The following TUT4 variants were observed in gnomAD, a reference collection of about 807,000 sequenced individuals.
TUT4 encodes terminal uridylyl transferase 4.
A neutral mutation model predicts 192.2 loss-of-function variants in TUT4; 36 were observed. The ratio of observed to expected loss-of-function variants is 0.19; its 90% confidence interval spans 0.14 to 0.25. The LOEUF (loss-of-function observed/expected upper bound fraction) is 0.25, where lower values mean the gene tolerates loss of function less well. Among genes scored for constraint, TUT4 ranks in the 10% least tolerant of loss-of-function variants. The pLI is 1.00. For synonymous variants in TUT4, 618 were observed against 666.0 expected, an observed-to-expected ratio of 0.93 and a Z score of 1.11; for missense variants, 1,493 against 1,957.2, an observed-to-expected ratio of 0.76 and a Z score of 4.47.
chr1:52,529,399 A>T (rs1198091656), intron 1 of TUT4, among the ~76,000 whole-genome samples: 2 of 152,214 alleles, frequency 1.3e-5, no homozygotes, highest in Non-Finnish European at 2.9e-5. Context: ...AAGTTGTCAA[A>T]ACATATGACT....
intron 3 of TUT4, among the ~76,000 whole-genome samples, chr1:52,511,386 G>T (rs988771013): frequency 6.6e-6 from 1 of 152,008 alleles, no homozygotes; most frequent in East Asian, 1.9e-4. Context: ...CAAATATATT[G>T]AGCTCATATT....
chr1:52,445,472 A>G (rs963751867), intron 24 of TUT4, among the ~76,000 whole-genome samples: 3 of 152,226 alleles, frequency 2.0e-5, no homozygotes, highest in Non-Finnish European at 4.4e-5. Context: ...CATTCACTCA[A>G]CAAATCCTTA....
chr1:52,491,531 T>C (rs1409535901), intron 7 of TUT4, among the ~76,000 whole-genome samples: 2 of 151,772 alleles, frequency 1.3e-5, no homozygotes, highest in Non-Finnish European at 2.9e-5. Context: ...CTACTAAAAA[T>C]ACAAAAATTA....
intron 13 of TUT4, among the ~76,000 whole-genome samples, chr1:52,474,371 A>C (rs1666567663): frequency 1.3e-5 from 2 of 152,188 alleles, no homozygotes; most frequent in South Asian, 4.1e-4. Context: ...AGTTTCCCTC[A>C]ACTACCTTTA....
intron 8 of TUT4, among the ~76,000 whole-genome samples, chr1:52,489,651 GAGA>G (rs200917202): frequency 0.01 from 1,595 of 152,286 alleles, 20 homozygotes; most frequent in African/African-American, 0.035. Flanking sequence ...TGAAAGCAGG[GAGA>G]AGAATAAATC....
intron 1 of TUT4, among the ~76,000 whole-genome samples, chr1:52,539,354 T>C (rs990489293): frequency 2.6e-5 from 4 of 151,996 alleles, no homozygotes; most frequent in Non-Finnish European, 4.4e-5. Context: ...AAAGTATCAG[T>C]GAATATAAAG....
At position 52,425,213 on chromosome 1, in the gene TUT4, G is replaced by GAC. The variant is rs3055567; in HGVS notation, c.4870+134_4870+135dup. On this transcript the variant is annotated intron_variant, in intron 29 of 29. Transcript: ENST00000257177. ...GTTTTACAAGCACCTAGCACCATCT[G>GAC]ACACACAGTATAATTTCTCAGTAAA... is the stretch of plus-strand genomic sequence containing the variant. The GAC allele has an allele frequency of 2.0e-4, 227 of 1,120,310 alleles. 4 individuals are homozygous for GAC. In the South Asian group the frequency reaches 3.5e-3, roughly 17 times the overall value. The allele number at this position is 1,120,310 out of a possible 1,614,324, so 69.4% of individuals were successfully genotyped here. A position where few individuals can be genotyped will look rare whatever the true frequency, so the allele number is the denominator to read the frequency against.
At chr1:52,471,369 T>C (rs989127224) in intron 14 of TUT4, among the ~76,000 whole-genome samples, 26 of 152,220 alleles carry the variant, frequency 1.7e-4, no homozygotes, top group African/African-American at 6.0e-4. Flanking sequence ...TCAAGGTTCA[T>C]CTCAAATATC....
chr1:52,474,748 A>T, intron 13 of TUT4, 84 bp downstream of exon 13: 2 of 1,204,166 alleles, frequency 1.7e-6, no homozygotes, highest in South Asian at 3.2e-5. Flanking sequence ...TTATATAGCT[A>T]TTTTTACATT....
chr1:52,509,639 G>GC lies in TUT4; in HGVS notation c.955dup (p.Ala319GlyfsTer3), dbSNP rs35497665. Reference sequence around the variant, plus strand: ...TCGTTTCTCCTTTATATGTTTATGAGCCCCCTGGATATTTTCAATGTGAAT... The same window carrying GC: ...TCGTTTCTCCTTTATATGTTTATGAGCCCCCCTGGATATTTTCAATGTGAAT... On this transcript the variant is annotated frameshift_variant, in exon 4 of 30. Transcript: ENST00000257177. LOFTEE classifies it high-confidence loss of function. The GC allele has an allele frequency of 6.2e-7, 1 of 1,608,954 alleles. No individual in the cohort carries two copies.
chr1:52,468,392 A>C, intron 14 of TUT4, 125 bp from the exon 15 acceptor site: 1 of 684,540 alleles, frequency 1.5e-6, no homozygotes, highest in Non-Finnish European at 2.3e-6. Context: ...GACTTCTCTG[A>C]CTTTAAAACC....
At chr1:52,514,464 T>C (rs974710411) in intron 3 of TUT4, among the ~76,000 whole-genome samples, 2 of 151,890 alleles carry the variant, frequency 1.3e-5, no homozygotes, top group South Asian at 2.1e-4. Context: ...AAACAAAAAG[T>C]ATAAGAGCAA....
At chr1:52,549,223 TCTC>T in intron 1 of TUT4, among the ~76,000 whole-genome samples, 2 of 152,130 alleles carry the variant, frequency 1.3e-5, no homozygotes, top group Non-Finnish European at 2.9e-5. Context: ...TCAACCACTA[TCTC>T]ACTTGGTGAT....
rs117679399 is a variant in TUT4 at position 52,485,911 on chromosome 1, G to A, written c.1515+2998C>T. ...ATCATTGTTTTCTTCTGTAGACAAT[G>A]AAGATTTAGGATAATAATAATAATA... On this transcript the variant is annotated intron_variant, in intron 9 of 29. Coordinates refer to ENST00000257177, the MANE Select transcript of TUT4 (RefSeq NM_001009881.3). Among the ~76,000 whole-genome samples, 297 of 152,068 alleles carry A rather than the reference G, an allele frequency of 2.0e-3. 8 individuals are homozygous for A. The East Asian group carries it at 0.055, about 28-fold the overall frequency.
intron 4 of TUT4, among the ~76,000 whole-genome samples, chr1:52,507,612 G>GCTAAT (rs1323185445): frequency 6.6e-6 from 1 of 152,022 alleles, no homozygotes; most frequent in African/African-American, 2.4e-5. Context: ...CCCTATACGG[G>GCTAAT]CTGAGCATCC....
intron 1 of TUT4, among the ~76,000 whole-genome samples, chr1:52,533,560 C>T (rs1456701924): frequency 6.6e-6 from 1 of 152,176 alleles, no homozygotes; most frequent in Non-Finnish European, 1.5e-5. Context: ...GAGTTCCTTT[C>T]ACTATCATCC....
At chr1:52,436,387 G>A (rs1484848098) in intron 26 of TUT4, among the ~76,000 whole-genome samples, 1 of 151,606 alleles carries the variant, frequency 6.6e-6, no homozygotes, top group Non-Finnish European at 1.5e-5. Context: ...TCAGGAGGCT[G>A]AGGCAGGAGA....
chr1:52,517,103 C>T (rs997946303), intron 2 of TUT4, among the ~76,000 whole-genome samples: 2 of 152,142 alleles, frequency 1.3e-5, no homozygotes, highest in African/African-American at 4.8e-5. Context: ...TAATATTTAC[C>T]TGTCCTTCAA....
intron 1 of TUT4, among the ~76,000 whole-genome samples, chr1:52,534,700 AAAAC>A (rs1427739545): frequency 1.3e-5 from 2 of 151,644 alleles, no homozygotes; most frequent in African/African-American, 2.4e-5. Flanking sequence ...AAAAAAAAAA[AAAAC>A]AAACAAAAAT....
Sources: gnomAD v4.1 joint callset for allele counts (sites outside exome capture counted in the v4.1 genomes callset) on GRCh38, gnomAD v4.1.1 for gene constraint, MANE v1.5 for transcripts, NCBI Gene and HGNC (gene_info 2026-07-23, HGNC 2026-07-21) for gene names.